The following AKAP8L variants were observed in gnomAD, a reference collection of about 807,000 sequenced individuals.
AKAP8L encodes A-kinase anchoring protein 8 like.
A neutral mutation model predicts 77.5 loss-of-function variants in AKAP8L; 34 were observed. The observed-to-expected ratio is 0.44, with a 90% confidence interval of 0.33 to 0.58. AKAP8L has a LOEUF of 0.58. Among genes scored for constraint, AKAP8L ranks in the 20% least tolerant of loss-of-function variants. AKAP8L has a pLI of 0.02. For missense variants in AKAP8L, 806 were observed against 887.6 expected (o/e 0.91, Z 1.17); for synonymous variants, 342 against 340.7 (o/e 1.00, Z -0.04).
At chr19:15,382,271 A>G (rs1318708909) in intron 12 of AKAP8L, among the ~76,000 whole-genome samples, 1 of 148,826 alleles carries the variant, frequency 6.7e-6, no homozygotes, top group East Asian at 2.0e-4. Context: ...AGGGGCTCTC[A>G]GTTCACTGCA....
At chr19:15,386,321 G>C (rs936537922) in intron 12 of AKAP8L, among the ~76,000 whole-genome samples, 1 of 152,130 alleles carries the variant, frequency 6.6e-6, no homozygotes, top group Non-Finnish European at 1.5e-5. Flanking sequence ...CCTAAATATT[G>C]AGAGGACAGA....
At chr19:15,396,054 G>A (rs117033566) in intron 12 of AKAP8L, among the ~76,000 whole-genome samples, 1,967 of 147,174 alleles carry the variant, frequency 0.013, 22 homozygotes, top group Non-Finnish European at 0.018. Context: ...AAAGCCAACT[G>A]ACATTTTCCT....
chr19:15,391,611 T>G (rs531383931), intron 12 of AKAP8L, among the ~76,000 whole-genome samples: 50 of 149,534 alleles, frequency 3.3e-4, no homozygotes, highest in African/African-American at 1.2e-3. Context: ...CGATCTCAGC[T>G]CACTGCAACC....
At chr19:15,410,101 C>G (rs1968079117) in intron 2 of AKAP8L, among the ~76,000 whole-genome samples, 1 of 152,116 alleles carries the variant, frequency 6.6e-6, no homozygotes, top group Non-Finnish European at 1.5e-5. Context: ...CACCACCATG[C>G]CCGGCTAATT....
intron 8 of AKAP8L, chr19:15,400,042 C>T (rs946640658): frequency 1.4e-5 from 8 of 560,482 alleles, no homozygotes; most frequent in African/African-American, 1.3e-4. Context: ...ACTAGCTGCC[C>T]CCATCTGAAG....
chr19:15,409,441 TC>T (rs1463643082), intron 2 of AKAP8L, among the ~76,000 whole-genome samples: 1 of 152,202 alleles, frequency 6.6e-6, no homozygotes, highest in African/African-American at 2.4e-5. Context: ...TTTTAAGTCT[TC>T]CCTTTTCCTG....
intron 1 of AKAP8L, among the ~76,000 whole-genome samples, chr19:15,415,850 C>T (rs1968196662): frequency 6.6e-6 from 1 of 150,844 alleles, no homozygotes; most frequent in Non-Finnish European, 1.5e-5. Flanking sequence ...GGCGCCACTG[C>T]ACTCCAGCCT....
Position 15,380,532 on chromosome 19 carries a change from C to T in AKAP8L, c.1617G>A (p.Leu539=). 6.2e-7 allele frequency: 1 copy of T among 1,613,938 alleles called. No homozygotes were observed. Among genetic ancestry groups the T allele is most frequent in the Non-Finnish European group, 8.5e-7 (1 of 1,179,898 alleles). The change falls in exon 13 of 14, where the codon CTG becomes CTA. Residue 539 remains leucine (L), a synonymous_variant. Coordinates refer to ENST00000397410, the MANE Select transcript of AKAP8L (RefSeq NM_014371.4). ...AGTGCCTCACCTTCAGGTAGCGCTC[C>T]AGCTTCTTGCTGATGAGCTTGTTGT... ...ILNNKLISKK[L]ERYLKGENPF...
chr19:15,417,440 T>G (rs1215455238), intron 1 of AKAP8L, among the ~76,000 whole-genome samples: 2 of 152,262 alleles, frequency 1.3e-5, no homozygotes, highest in East Asian at 3.9e-4. Flanking sequence ...GGTGTCATTG[T>G]GTATACCGTA....
chr19:15,412,235 A>T (rs1246752279), intron 1 of AKAP8L, among the ~76,000 whole-genome samples: 1 of 152,076 alleles, frequency 6.6e-6, no homozygotes, highest in Non-Finnish European at 1.5e-5. Context: ...CCCCAAAATT[A>T]GCTGGGTGTG....
At position 15,401,721 on chromosome 19, in the gene AKAP8L, C is replaced by A. The variant is rs1798543778; in HGVS notation, c.363-118G>T. 1.3e-6 allele frequency: 1 copy of A among 799,130 alleles called. No individual in the cohort carries two copies. Among genetic ancestry groups the A allele is most frequent in the African/African-American group, 1.7e-5 (1 of 57,698 alleles). 49.5% of individuals were successfully genotyped at this position (799,130 alleles called of 1,614,324 possible). ...CACCCACCCTGCCCTGGTTGGGAGG[C>A]TCAATGTTCAGAAATGCCGATTAAA... On this transcript the variant is annotated intron_variant, in intron 4 of 13. Transcript: ENST00000397410. This position sits in a 1 kb window ranked among gnomAD's most constrained non-coding sequence, Gnocchi z 6.2.
Position 15,401,936 on chromosome 19 carries a change from C to A in AKAP8L, c.363-333G>T, listed in dbSNP as rs985733909. On this transcript the variant is annotated intron_variant, in intron 4 of 13. Coordinates refer to ENST00000397410, the MANE Select transcript of AKAP8L (RefSeq NM_014371.4). This position sits in a 1 kb window ranked among gnomAD's most constrained non-coding sequence, Gnocchi z 6.2. ...GGAACATGTACACCATCTGTGGGAGCTGCAACGCCCAAGGCTGCTCCTCAC... is the reference window on the plus strand; with the variant it reads ...GGAACATGTACACCATCTGTGGGAGATGCAACGCCCAAGGCTGCTCCTCAC... Among the ~76,000 whole-genome samples the A allele has an allele frequency of 5.3e-5, 8 of 152,220 alleles. No individual in the cohort carries two copies. Among genetic ancestry groups the A allele is most frequent in the Non-Finnish European group, 1.0e-4 (7 of 68,040 alleles).
intron 1 of AKAP8L, among the ~76,000 whole-genome samples, chr19:15,414,387 C>G (rs1180089808): frequency 2.0e-5 from 3 of 151,262 alleles, no homozygotes; most frequent in Non-Finnish European, 4.4e-5. Context: ...AAAGTGTTCT[C>G]TTGGTACAAT....
chr19:15,393,368 G>A (rs1967703959), intron 12 of AKAP8L, among the ~76,000 whole-genome samples: 1 of 152,018 alleles, frequency 6.6e-6, no homozygotes, highest in Non-Finnish European at 1.5e-5. Flanking sequence ...TGCTACAAAG[G>A]ACACATCAAG....
rs1349933632 is a variant in AKAP8L, at chr19:15,403,247, G to T, written c.362+228C>A. On this transcript the variant is annotated intron_variant, in intron 4 of 13. Coordinates refer to ENST00000397410, the MANE Select transcript of AKAP8L (RefSeq NM_014371.4). The surrounding 1 kb of genome is among the most constrained non-coding windows in gnomAD (Gnocchi z 4.3). ...CCAGTCTGGGCTTGTTCCTCTCACC[G>T]CAAGCTGGGAAAGGCTGACCACCAG... 2 of 558,998 alleles carry T rather than the reference G, an allele frequency of 3.6e-6. No individual in the cohort carries two copies. Among genetic ancestry groups the T allele is most frequent in the Non-Finnish European group, 6.5e-6 (2 of 310,040 alleles). 34.6% of individuals were successfully genotyped at this position (558,998 alleles called of 1,614,324 possible).
rs1967944816 is a variant in AKAP8L, at chr19:15,403,696, A to ATAGCCG, written c.140_141insCGGCTA (p.Tyr51_Gly52dup). On this transcript the variant is annotated inframe_insertion, in exon 4 of 14. Transcript: ENST00000397410. This position sits in a 1 kb window ranked among gnomAD's most constrained non-coding sequence, Gnocchi z 4.3. ...TGTTATCCTGGCCATAGCCATAGCC[A>ATAGCCG]TAGCCATAGCCCTCGTAGCCTGCAG... is the stretch of plus-strand genomic sequence containing the variant. 6.3e-7 allele frequency: 1 copy of ATAGCCG among 1,594,284 alleles called. No individual in the cohort carries two copies.
In AKAP8L at chr19:15,398,974, C is replaced by T; in HGVS notation, c.1157+328G>A. 2.5e-6 allele frequency: 1 copy of T among 392,580 alleles called. No individual in the cohort carries two copies. Among genetic ancestry groups the T allele is most frequent in the Non-Finnish European group, 4.5e-6 (1 of 222,004 alleles). The allele number at this position is 392,580 out of a possible 1,614,324, so 24.3% of individuals were successfully genotyped here. On this transcript the variant is annotated intron_variant, in intron 9 of 13. Coordinates refer to ENST00000397410, the MANE Select transcript of AKAP8L (RefSeq NM_014371.4). This position sits in a 1 kb window ranked among gnomAD's most constrained non-coding sequence, Gnocchi z 9.2. ...GGACCTTGAGTCTCTGATGAGCTGG[C>T]CCCCTCCCTCAGGGGCATCAGGCCC...
intron 12 of AKAP8L, among the ~76,000 whole-genome samples, chr19:15,386,030 C>A (rs1967529849): frequency 6.6e-6 from 1 of 151,900 alleles, no homozygotes; most frequent in African/African-American, 2.4e-5. Context: ...CCTGCCTCAG[C>A]CTCTCGAGTA....
rs557326296 is a variant in AKAP8L at position 15,408,554 on chromosome 19, ACT to A, written c.88+1964_88+1965del. ...CTCCAGCCTGGGCAACAAGAGCGAA[ACT>A]CCATCTCAAAAAAAAAAAAAAAAGA... On this transcript the variant is annotated intron_variant, in intron 2 of 13. Transcript: ENST00000397410. Among the ~76,000 whole-genome samples the A allele has an allele frequency of 1.3e-3, 160 of 120,964 alleles. 1 individual carries two copies. The highest frequency in any genetic ancestry group is 4.8e-3 in the African/African-American group (153 of 31,854). The allele number at this position is 120,964 out of a possible 152,430, so 79.4% of individuals were successfully genotyped here. A position where few individuals can be genotyped will look rare whatever the true frequency, so the allele number is the denominator to read the frequency against.
Sources: gnomAD v4.1 joint callset for allele counts (sites outside exome capture counted in the v4.1 genomes callset) on GRCh38, gnomAD v4.1.1 for gene constraint, Gnocchi (gnomAD v3.1) non-coding constraint, MANE v1.5 for transcripts, NCBI Gene and HGNC (gene_info 2026-07-23, HGNC 2026-07-21) for gene names.